Variants in DDX27 observed in about 807,000 individuals in gnomAD.
DDX27 encodes the protein DEAD-box helicase 27, also known as probable ATP-dependent RNA helicase DDX27.
A neutral mutation model predicts 99.3 loss-of-function variants in DDX27; 42 were observed. That is an observed-to-expected ratio of 0.42 (90% confidence interval 0.33 to 0.55). The LOEUF (loss-of-function observed/expected upper bound fraction) is 0.55. Among genes scored for constraint, DDX27 ranks in the 20% least tolerant of loss-of-function variants. The probability of loss-of-function intolerance (pLI) is 0.07; values close to 1 mark genes in which losing one functional copy is unlikely to be tolerated. For missense variants in DDX27, 798 were observed against 976.8 expected (o/e 0.82, Z 2.44); for synonymous variants, 329 against 353.8 (o/e 0.93, Z 0.79).
Position 49,243,899 on chromosome 20 carries a change from T to TG in DDX27, c.*67dup. On this transcript the variant is annotated 3_prime_UTR_variant, in exon 21 of 21. Transcript: ENST00000618172. ...ATCCCTTCCCTGTGGGAAGTCATCC[T>TG]GGCTGGTCTGTCTTTTCTCCATTTG... is the stretch of plus-strand genomic sequence containing the variant. 6.3e-7 allele frequency: 1 copy of TG among 1,580,294 alleles called. No individual in the cohort carries two copies. The highest frequency in any genetic ancestry group is 8.7e-7 in the Non-Finnish European group (1 of 1,154,040).
In DDX27 at chr20:49,221,436, C is replaced by G. The variant is rs772730827; in HGVS notation, c.94-16C>G. Reference sequence around the variant, plus strand: ...TATCTCAGCCCCAAAGTCACTCTGTCTCTTACTCTTCCCAGGGGCCCATTG... The same window carrying G: ...TATCTCAGCCCCAAAGTCACTCTGTGTCTTACTCTTCCCAGGGGCCCATTG... On this transcript the variant is annotated splice_polypyrimidine_tract_variant and intron_variant, in intron 1 of 20. Coordinates refer to ENST00000618172, the MANE Select transcript of DDX27 (RefSeq NM_017895.8). 6.2e-7 allele frequency: 1 copy of G among 1,612,518 alleles called. No individual in the cohort carries two copies. The highest frequency in any genetic ancestry group is 2.2e-5 in the East Asian group (1 of 44,870).
rs377733475 is a variant in DDX27 at position 49,228,788 on chromosome 20, C to T, written c.780C>T (p.Arg260=). 1.8e-5 allele frequency: 29 copies of T among 1,613,360 alleles called. No individual in the cohort carries two copies. Among genetic ancestry groups the T allele is most frequent in the Admixed American group, 5.0e-5 (3 of 59,954 alleles). Residue 260 remains arginine (R), a synonymous_variant, in exon 8 of 21, where the codon CGC becomes CGT. Coordinates refer to ENST00000618172, the MANE Select transcript of DDX27 (RefSeq NM_017895.8). Reference sequence around the variant, plus strand: ...AACCCCGCCAGGCTCCAGTCACCCGCGTGCTGGTGCTAGTGCCCACCCGAG... The same window carrying T: ...AACCCCGCCAGGCTCCAGTCACCCGTGTGCTGGTGCTAGTGCCCACCCGAG... ...IYKPRQAPVT[R]VLVLVPTREL...
At chr20:49,220,006 T>C (rs930729884) in intron 1 of DDX27, among the ~76,000 whole-genome samples, 1 of 152,104 alleles carries the variant, frequency 6.6e-6, no homozygotes, top group Non-Finnish European at 1.5e-5. Context: ...CGTATGGTGG[T>C]GTGGGGGCTT....
chr20:49,229,051 T>C (rs1047761732), intron 8 of DDX27, among the ~76,000 whole-genome samples, 163 bp downstream of exon 8: 3 of 123,200 alleles, frequency 2.4e-5, no homozygotes, highest in Non-Finnish European at 5.2e-5. Context: ...TTTTTTTTTT[T>C]TGAGACGGAG....
At chr20:49,222,199 C>T (rs1979713114) in intron 2 of DDX27, among the ~76,000 whole-genome samples, 1 of 152,010 alleles carries the variant, frequency 6.6e-6, no homozygotes, top group African/African-American at 2.4e-5. Context: ...ATGGCGCCAT[C>T]TCAGCTCACT....
Position 49,242,122 on chromosome 20 carries a change from A to G in DDX27, c.2032A>G (p.Met678Val). ...TCAGTTTGAAATCCTCAAGGCGCAG[A>G]TGTTTGCTGAACGGCTAGCGAAGAG... ...RSQFEILKAQ[M>V]FAERLAKRNR... The change falls in exon 18 of 21, where the codon ATG (methionine) becomes GTG (valine). Residue 678 changes from methionine to valine, a missense_variant. Around this residue, in one of 2 missense-constraint regions of DDX27, gnomAD observed 553 missense variants for 727.9 expected, o/e 0.76. Transcript: ENST00000618172. The G allele has an allele frequency of 6.2e-7, 1 of 1,614,216 alleles. No homozygotes were observed. The highest frequency in any genetic ancestry group is 8.5e-7 in the Non-Finnish European group (1 of 1,180,030).
At chr20:49,229,853 G>A (rs1373108759) in intron 8 of DDX27, among the ~76,000 whole-genome samples, 1 of 151,904 alleles carries the variant, frequency 6.6e-6, no homozygotes, top group Non-Finnish European at 1.5e-5. Flanking sequence ...GCCATGTTGG[G>A]TAGGCTGGTC....
rs1476294749 is a variant in DDX27 at position 49,243,748 on chromosome 20, A to G, written c.2279+45A>G. 3.1e-6 allele frequency: 5 copies of G among 1,613,668 alleles called. No individual in the cohort carries two copies. In the South Asian group the frequency reaches 4.4e-5, roughly 14 times the overall value. ...AGGGGCATAGGTTTTGGGATTAGAG[A>G]TAAAAACCTTTCATGGAAAAGAAGC... On this transcript the variant is annotated intron_variant, in intron 20 of 20. Transcript: ENST00000618172.
intron 11 of DDX27, chr20:49,234,216 A>G (rs554563930): frequency 6.5e-6 from 1 of 153,100 alleles, no homozygotes; most frequent in Non-Finnish European, 1.4e-5. Flanking sequence ...CCGGGATCCC[A>G]GCCTTGGAGG....
chr20:49,232,763 CAAAAAAAAAAA>C (rs3061137), intron 9 of DDX27: 15 of 61,852 alleles, frequency 2.4e-4, no homozygotes, highest in East Asian at 6.0e-4. Context: ...GACTCCGTCT[CAAAAAAAAAAA>C]AAAAAAAAAA....
chr20:49,224,788 C>A, intron 4 of DDX27, 157 bp from the exon 5 acceptor site: 1 of 738,878 alleles, frequency 1.4e-6, no homozygotes, highest in Non-Finnish European at 2.2e-6. Flanking sequence ...AGTTACTTCA[C>A]CATGCTGCCA....
At chr20:49,230,119 G>A (rs1980048863) in intron 8 of DDX27, 80 bp from the exon 9 acceptor site, 2 of 1,493,070 alleles carry the variant, frequency 1.3e-6, no homozygotes, top group Admixed American at 2.1e-5. Context: ...CTGGCCTGAG[G>A]CCTGGTGAGT....
rs1215926655 is a variant in DDX27, at chr20:49,241,899, A to G, written c.1904A>G (p.Lys635Arg). 16 of 1,614,228 alleles carry G rather than the reference A, an allele frequency of 9.9e-6. No individual in the cohort carries two copies. The highest frequency in any genetic ancestry group is 1.4e-5 in the Non-Finnish European group (16 of 1,180,026). Residue 635 changes from lysine (K) to arginine (R), a missense_variant, in exon 17 of 21, where the codon AAA (lysine) becomes AGA (arginine). Lys to Arg is a conservative substitution (Grantham distance 26). This residue lies in a region of DDX27 where 553 missense variants were observed against 727.9 expected (regional missense o/e 0.76). Transcript: ENST00000618172. ...KEERKKEKIA[K>R]ALQEFDLALR... Reference sequence around the variant, plus strand: ...TGCTTTCTTCTCATCCCAGTTGCCAAAGCTCTGCAGGAATTTGACTTGGCC... The same window carrying G: ...TGCTTTCTTCTCATCCCAGTTGCCAGAGCTCTGCAGGAATTTGACTTGGCC...
chr20:49,239,720 A>G (rs1208356996), intron 16 of DDX27, among the ~76,000 whole-genome samples: 1 of 152,172 alleles, frequency 6.6e-6, no homozygotes, highest in South Asian at 2.1e-4. Flanking sequence ...GTTGGGGACC[A>G]CTGTTGTAAA....
At chr20:49,242,018 C>T (rs529441804) in intron 17 of DDX27, 31 bp downstream of exon 17, 1 of 1,613,710 alleles carries the variant, frequency 6.2e-7, no homozygotes, top group African/African-American at 1.3e-5. Context: ...AGTTTGGGCC[C>T]ACTCGGTGGG....
intron 16 of DDX27, among the ~76,000 whole-genome samples, chr20:49,239,831 G>C (rs1980421482): frequency 6.6e-6 from 1 of 152,204 alleles, no homozygotes; most frequent in East Asian, 1.9e-4. Context: ...TCATCAACAA[G>C]TGAATGGATA....
rs1486578169 is a variant in DDX27, at chr20:49,242,798, T to G, written c.2204+117T>G. ...AGTGCAGTGGTGCATCTTAGCTCAC[T>G]GCAAGCTCCACCTCCTGGGTTCAAG... On this transcript the variant is annotated intron_variant, in intron 19 of 20. Coordinates refer to ENST00000618172, the MANE Select transcript of DDX27 (RefSeq NM_017895.8). 9 of 961,242 alleles carry G rather than the reference T, an allele frequency of 9.4e-6. No individual in the cohort carries two copies. In the East Asian group the frequency reaches 2.0e-4, roughly 22 times the overall value. 59.5% of individuals were successfully genotyped at this position (961,242 alleles called of 1,614,324 possible).
chr20:49,224,966 G>GGAA lies in DDX27; in HGVS notation c.504_506dup (p.Lys169dup), dbSNP rs550509569. On this transcript the variant is annotated inframe_insertion, in exon 5 of 21. Transcript: ENST00000618172. ...ATAGATACACTCAAAGTAAAGGATC[G>GGAA]GAAGAAGAAGAAGAAGAAAGGACAG... The GGAA allele has an allele frequency of 5.0e-6, 8 of 1,613,784 alleles. No individual in the cohort carries two copies. The highest frequency in any genetic ancestry group is 2.2e-5 in the East Asian group (1 of 44,886).
chr20:49,226,107 G>A (rs986378399), intron 6 of DDX27, among the ~76,000 whole-genome samples: 12 of 152,220 alleles, frequency 7.9e-5, no homozygotes, highest in Non-Finnish European at 7.4e-5. Flanking sequence ...CAGCCCTACC[G>A]TGAATAGCAC....
Sources: allele counts gnomAD v4.1 joint callset (sites outside exome capture counted in the v4.1 genomes callset), GRCh38; gene constraint gnomAD v4.1.1; regional missense constraint gnomAD v4.1.1; transcripts MANE v1.5; gene names NCBI Gene and HGNC (gene_info 2026-07-23, HGNC 2026-07-21).